Variants in MAN1A2 observed in about 807,000 individuals in gnomAD.
The protein encoded by MAN1A2 is mannosyl-oligosaccharide 1,2-alpha-mannosidase IB.
In MAN1A2, 26 loss-of-function variants were observed where a neutral mutation model predicts 75.7. That is an observed-to-expected ratio of 0.34 (90% CI 0.25 to 0.48). The LOEUF is 0.48. Ranked by LOEUF, MAN1A2 falls within the 20% of genes least tolerant of loss-of-function variation. The pLI, the probability that MAN1A2 is intolerant of heterozygous loss-of-function variation, is 0.99. For synonymous variants in MAN1A2, 247 were observed against 264.6 expected (o/e 0.93, Z 0.65); for missense variants, 562 against 775.5 (o/e 0.72, Z 3.27).
chr1:117,482,668 A>G (rs534765974), intron 8 of MAN1A2, among the ~76,000 whole-genome samples: 120 of 152,026 alleles, frequency 7.9e-4, no homozygotes, highest in Non-Finnish European at 1.3e-3. Flanking sequence ...AGATTGCAAA[A>G]CTTTTCTCTC....
chr1:117,417,270 G>A (rs934292460), intron 4 of MAN1A2, among the ~76,000 whole-genome samples: 16 of 151,712 alleles, frequency 1.1e-4, no homozygotes, highest in Non-Finnish European at 1.9e-4. Flanking sequence ...TGCATATATA[G>A]TATGTATTTG....
At chr1:117,401,857 A>G (rs1647440281) in intron 1 of MAN1A2, among the ~76,000 whole-genome samples, 1 of 151,624 alleles carries the variant, frequency 6.6e-6, no homozygotes, top group African/African-American at 2.4e-5. Flanking sequence ...CTTCTCTGTT[A>G]CTTATTCTAT....
Position 117,499,441 on chromosome 1 carries a change from C to G in MAN1A2, c.1564C>G (p.Arg522Gly). The G allele has an allele frequency of 6.2e-7, 1 of 1,604,748 alleles. No individual in the cohort carries two copies. Residue 522 changes from arginine (R) to glycine (G), a missense_variant, in exon 11 of 13, where the codon CGG becomes GGG. Coordinates refer to ENST00000356554, the MANE Select transcript of MAN1A2 (RefSeq NM_006699.5). ...FDGAVEAVAV[R>G]QAEKYYILRP... ...TGGTGCAGTGGAGGCTGTGGCTGTC[C>G]GGCAGGCTGAAAAGTATTATATCCT...
chr1:117,411,102 T>C (rs1647802534), intron 3 of MAN1A2, among the ~76,000 whole-genome samples: 1 of 151,768 alleles, frequency 6.6e-6, no homozygotes, highest in Non-Finnish European at 1.5e-5. Flanking sequence ...AAGTTGATTC[T>C]AAAATCTATG....
intron 12 of MAN1A2, among the ~76,000 whole-genome samples, chr1:117,511,236 C>T (rs1030480125): frequency 2.6e-5 from 4 of 152,044 alleles, no homozygotes; most frequent in Admixed American, 2.0e-4. Flanking sequence ...AGTCACCTCC[C>T]ACCACATCCC....
At chr1:117,444,297 A>G (rs1210599818) in intron 6 of MAN1A2, among the ~76,000 whole-genome samples, 2 of 118,860 alleles carry the variant, frequency 1.7e-5, no homozygotes, top group African/African-American at 6.1e-5. Context: ...AAACATTGCT[A>G]CAATAGCATC....
At chr1:117,512,641 AGTTCAG>A (rs1651571963) in intron 12 of MAN1A2, among the ~76,000 whole-genome samples, 1 of 152,028 alleles carries the variant, frequency 6.6e-6, no homozygotes, top group South Asian at 2.1e-4. Context: ...GTATTTATGT[AGTTCAG>A]TCTCTTCAAA....
At chr1:117,440,376 G>A (rs574982199) in intron 5 of MAN1A2, among the ~76,000 whole-genome samples, 1 of 152,220 alleles carries the variant, frequency 6.6e-6, no homozygotes, top group East Asian at 1.9e-4. Context: ...GGACAGAACT[G>A]AAAAAGAGAC....
intron 1 of MAN1A2, among the ~76,000 whole-genome samples, chr1:117,368,994 G>A (rs1232485525): frequency 1.3e-5 from 2 of 152,090 alleles, no homozygotes; most frequent in Admixed American, 6.5e-5. Flanking sequence ...ACAAACGTGG[G>A]CAGAATATAC....
chr1:117,518,753 C>G (rs953896034), intron 12 of MAN1A2, among the ~76,000 whole-genome samples: 1 of 151,958 alleles, frequency 6.6e-6, no homozygotes, highest in Non-Finnish European at 1.5e-5. Flanking sequence ...CTTCAGTACT[C>G]CACTGACAGC....
At chr1:117,512,259 C>T (rs1438228862) in intron 12 of MAN1A2, among the ~76,000 whole-genome samples, 1 of 151,934 alleles carries the variant, frequency 6.6e-6, no homozygotes, top group Non-Finnish European at 1.5e-5. Context: ...GGTCCAGATG[C>T]CCACATAAAG....
intron 3 of MAN1A2, 21 bp downstream of exon 3, chr1:117,405,666 T>C: frequency 1.5e-6 from 2 of 1,336,628 alleles, no homozygotes; most frequent in Non-Finnish European, 1.1e-6. Flanking sequence ...TTTTTCTAAT[T>C]ACTATTTCCA....
Position 117,405,619 on chromosome 1 carries a change from G to A in MAN1A2, c.629G>A (p.Arg210Lys), listed in dbSNP as rs772622905. 2 of 1,601,412 alleles carry A rather than the reference G, an allele frequency of 1.2e-6. No homozygotes were observed. The highest frequency in any genetic ancestry group is 1.7e-6 in the Non-Finnish European group (2 of 1,168,720). The change falls in exon 3 of 13, where the codon AGG (arginine) becomes AAG (lysine). Residue 210 changes from arginine to lysine, a missense_variant. Physicochemically the swap from Arg to Lys is conservative, Grantham distance 26 (BLOSUM62 2). Around this residue, in one of 2 missense-constraint regions of MAN1A2, gnomAD observed 434 missense variants for 645.7 expected, o/e 0.67. Coordinates refer to ENST00000356554, the MANE Select transcript of MAN1A2 (RefSeq NM_006699.5). The stretch of plus-strand genomic sequence containing the variant: ...CATAATGAACTCAGACCTATTGCAA[G>A]GAAAGGACACTCCCCTAACATATTT... ...WGHNELRPIARKGHSPNIFGS... is the reference protein window; with the variant it reads ...WGHNELRPIAKKGHSPNIFGS...
chr1:117,427,746 A>G (rs1206332930), intron 5 of MAN1A2, among the ~76,000 whole-genome samples: 5 of 152,238 alleles, frequency 3.3e-5, no homozygotes, highest in African/African-American at 7.2e-5. Flanking sequence ...GACACATGTT[A>G]TATGTGGAGG....
At chr1:117,465,552 A>G (rs1347336090) in intron 7 of MAN1A2, among the ~76,000 whole-genome samples, 1 of 152,184 alleles carries the variant, frequency 6.6e-6, no homozygotes, top group Non-Finnish European at 1.5e-5. Context: ...TGAAGTATAT[A>G]TCAGGTCCTC....
At chr1:117,492,537 C>A (rs999746731) in intron 8 of MAN1A2, among the ~76,000 whole-genome samples, 4 of 152,024 alleles carry the variant, frequency 2.6e-5, no homozygotes, top group African/African-American at 7.2e-5. Flanking sequence ...AGTCTGGAAA[C>A]AAACTTGCAG....
intron 7 of MAN1A2, among the ~76,000 whole-genome samples, chr1:117,463,162 G>A (rs975900787): frequency 6.6e-6 from 1 of 150,822 alleles, no homozygotes; most frequent in Non-Finnish European, 1.5e-5. Context: ...AAATATTAAA[G>A]ACAGTACAAA....
intron 3 of MAN1A2, 33 bp from the exon 4 acceptor site, chr1:117,414,680 T>A (rs747426775): frequency 8.7e-7 from 1 of 1,146,900 alleles, no homozygotes; most frequent in African/African-American, 1.5e-5. Flanking sequence ...AAAGGGATCT[T>A]TTTAATGATA....
intron 8 of MAN1A2, among the ~76,000 whole-genome samples, chr1:117,475,066 A>C (rs1363644626): frequency 6.6e-6 from 1 of 151,880 alleles, no homozygotes; most frequent in African/African-American, 2.4e-5. Flanking sequence ...TTGTTTATCC[A>C]TTCTCCTGTT....
Sources: allele counts gnomAD v4.1 joint callset (sites outside exome capture counted in the v4.1 genomes callset), GRCh38; gene constraint gnomAD v4.1.1; regional missense constraint gnomAD v4.1.1; transcripts MANE v1.5; gene names NCBI Gene and HGNC (gene_info 2026-07-23, HGNC 2026-07-21).